NTRK3: variants seen among roughly 807,000 people sequenced by gnomAD.
NTRK3 encodes NT-3 growth factor receptor.
Under a neutral mutation model 91.7 loss-of-function variants are expected in NTRK3, and 24 were observed. The observed-to-expected ratio is 0.26, with a 90% CI of 0.19 to 0.37. NTRK3 has a LOEUF of 0.37. NTRK3 is among the 10% of genes least tolerant of loss of function. The pLI is 1.00. For missense variants in NTRK3, 880 were observed against 1,068.9 expected (o/e 0.82, Z 2.46); for synonymous variants, 483 against 404.0 (o/e 1.20, Z -2.34).
intron 14 of NTRK3, among the ~76,000 whole-genome samples, chr15:88,029,565 A>G (rs2078346811): frequency 6.6e-6 from 1 of 152,210 alleles, no homozygotes; most frequent in African/African-American, 2.4e-5. Flanking sequence ...CATTATGTTC[A>G]TGCAATTCCA....
intron 14 of NTRK3, among the ~76,000 whole-genome samples, chr15:88,010,188 A>G (rs1022340425): frequency 2.0e-5 from 3 of 151,796 alleles, no homozygotes; most frequent in Non-Finnish European, 4.4e-5. Context: ...TCCTAACCCA[A>G]CTTGAGGGTC....
At chr15:87,923,026 G>A (rs1403922640) in intron 17 of NTRK3, among the ~76,000 whole-genome samples, 6 of 152,158 alleles carry the variant, frequency 3.9e-5, no homozygotes, top group Non-Finnish European at 5.9e-5. Flanking sequence ...TAGAAAAGGG[G>A]ATCTTGCAAA....
At chr15:87,984,114 G>A (rs1020475044) in intron 14 of NTRK3, among the ~76,000 whole-genome samples, 1 of 152,202 alleles carries the variant, frequency 6.6e-6, no homozygotes, top group South Asian at 2.1e-4. Context: ...AGGTAGTAAT[G>A]AGTATGGAGA....
intron 13 of NTRK3, among the ~76,000 whole-genome samples, chr15:88,062,902 C>T (rs989319988): frequency 6.6e-6 from 1 of 152,236 alleles, no homozygotes; most frequent in Non-Finnish European, 1.5e-5. Flanking sequence ...GCCAAAGGCC[C>T]CCCATTCTAG....
intron 14 of NTRK3, among the ~76,000 whole-genome samples, chr15:87,947,867 T>A (rs2070727500): frequency 1.3e-5 from 2 of 152,058 alleles, no homozygotes; most frequent in African/African-American, 4.8e-5. Flanking sequence ...TGGAAAAGAA[T>A]AACATTCTGG....
chr15:88,184,988 C>A (rs1040467479), intron 3 of NTRK3, among the ~76,000 whole-genome samples: 1 of 152,218 alleles, frequency 6.6e-6, no homozygotes, highest in African/African-American at 2.4e-5. Context: ...CAAACCCTAG[C>A]TTCATCTGAG....
At chr15:88,020,312 G>C (rs2077513695) in intron 14 of NTRK3, among the ~76,000 whole-genome samples, 1 of 152,138 alleles carries the variant, frequency 6.6e-6, no homozygotes, top group Non-Finnish European at 1.5e-5. Flanking sequence ...AAATTGGCCT[G>C]AGCCCTCTGC....
chr15:87,990,240 G>C (rs2075183614), intron 14 of NTRK3, among the ~76,000 whole-genome samples: 2 of 152,138 alleles, frequency 1.3e-5, no homozygotes, highest in Non-Finnish European at 1.5e-5. Context: ...ACCCAGATAG[G>C]GGTCAGCCAC....
intron 13 of NTRK3, among the ~76,000 whole-genome samples, chr15:88,039,826 G>T (rs929043706): frequency 1.3e-5 from 2 of 152,200 alleles, no homozygotes; most frequent in East Asian, 3.8e-4. Context: ...TGCTGTGTCC[G>T]GTTTCCATTG....
At chr15:88,017,691 G>C (rs549639075) in intron 14 of NTRK3, among the ~76,000 whole-genome samples, 9 of 152,256 alleles carry the variant, frequency 5.9e-5, no homozygotes, top group African/African-American at 1.9e-4. Flanking sequence ...AATAGGGGGA[G>C]AGGGGTCACC....
intron 14 of NTRK3, among the ~76,000 whole-genome samples, chr15:87,965,285 A>G (rs1006745425): frequency 2.0e-5 from 3 of 152,252 alleles, no homozygotes; most frequent in Non-Finnish European, 4.4e-5. Context: ...TAATCAGAAA[A>G]AAGCACAATG....
At chr15:87,905,582 T>C (rs1425411787) in intron 17 of NTRK3, among the ~76,000 whole-genome samples, 2 of 152,168 alleles carry the variant, frequency 1.3e-5, no homozygotes, top group African/African-American at 4.8e-5. Flanking sequence ...GCTAATAGCA[T>C]CCTAAGACTG....
At chr15:88,068,240 T>G (rs1272376652) in intron 13 of NTRK3, among the ~76,000 whole-genome samples, 1 of 152,140 alleles carries the variant, frequency 6.6e-6, no homozygotes, top group African/African-American at 2.4e-5. Context: ...GAGACCAGCC[T>G]GGACAACATG....
At chr15:88,065,334 T>C (rs1342147179) in intron 13 of NTRK3, among the ~76,000 whole-genome samples, 2 of 152,192 alleles carry the variant, frequency 1.3e-5, no homozygotes, top group African/African-American at 2.4e-5. Context: ...TTCTTAGTCC[T>C]GTTTCCAGTT....
chr15:88,222,564 TA>T (rs2050325481), intron 3 of NTRK3, among the ~76,000 whole-genome samples: 1 of 152,242 alleles, frequency 6.6e-6, no homozygotes, highest in African/African-American at 2.4e-5. Context: ...CGCAGAACAT[TA>T]ATCTTGTGAA....
At chr15:88,029,898 G>A (rs2078374280) in intron 14 of NTRK3, among the ~76,000 whole-genome samples, 1 of 152,224 alleles carries the variant, frequency 6.6e-6, no homozygotes, top group Non-Finnish European at 1.5e-5. Flanking sequence ...GCTGAGGACT[G>A]GCCTGGGTCC....
At chr15:87,882,059 C>A (rs2065286498) in intron 17 of NTRK3, among the ~76,000 whole-genome samples, 1 of 151,810 alleles carries the variant, frequency 6.6e-6, no homozygotes, top group Admixed American at 6.6e-5. Flanking sequence ...CCATGCCTGG[C>A]TAATTTTTGT....
chr15:87,873,024 C>A lies in NTRK3; in HGVS notation c.*3911G>T, dbSNP rs550350762. On this transcript the variant is annotated 3_prime_UTR_variant, in exon 19 of 19. Transcript: ENST00000394480. The stretch of plus-strand genomic sequence containing the variant: ...TAACTTCCAATGCACCCTGTACTCT[C>A]CCGGCATGGCTGACTCACTTCTACT... 5 of 233,136 alleles carry A rather than the reference C, an allele frequency of 2.1e-5. No individual in the cohort carries two copies. In the East Asian group the frequency reaches 3.0e-4, roughly 14 times the overall value. The allele number at this position is 233,136 out of a possible 1,614,324, so 14.4% of individuals were successfully genotyped here. A position where few individuals can be genotyped will look rare whatever the true frequency, so the allele number is the denominator to read the frequency against.
chr15:88,061,617 C>A (rs768238931), intron 13 of NTRK3, among the ~76,000 whole-genome samples: 1 of 152,352 alleles, frequency 6.6e-6, no homozygotes, highest in African/African-American at 2.4e-5. Context: ...CCCCGCAGGG[C>A]GAGGGCTCAC....
Sources: gnomAD v4.1 joint callset for allele counts (sites outside exome capture counted in the v4.1 genomes callset) on GRCh38, gnomAD v4.1.1 for gene constraint, MANE v1.5 for transcripts, NCBI Gene and HGNC (gene_info 2026-07-23, HGNC 2026-07-21) for gene names.